Variants in FOXP1 observed in about 807,000 individuals in gnomAD.
The protein encoded by FOXP1 is forkhead box P1, also known as forkhead box protein P1.
A neutral mutation model predicts 98.2 loss-of-function variants in FOXP1; 15 were observed. That is an observed-to-expected ratio of 0.15 (90% CI 0.10 to 0.24). The LOEUF (loss-of-function observed/expected upper bound fraction) is 0.24. Ranked by LOEUF, FOXP1 falls within the 10% of genes least tolerant of loss-of-function variation. FOXP1 has a pLI of 1.00. For synonymous variants in FOXP1, 371 were observed against 314.5 expected, an observed-to-expected ratio of 1.18 and a Z score of -1.90; for missense variants, 633 against 848.5, an observed-to-expected ratio of 0.75 and a Z score of 3.15.
intron 2 of FOXP1, among the ~76,000 whole-genome samples, chr3:71,523,775 A>G (rs1042012677): frequency 3.9e-5 from 6 of 152,142 alleles, no homozygotes; most frequent in African/African-American, 1.2e-4. Context: ...AACATGACTC[A>G]CAGGGCCCTA....
At chr3:71,508,546 G>C (rs1399377561) in intron 2 of FOXP1, among the ~76,000 whole-genome samples, 1 of 152,188 alleles carries the variant, frequency 6.6e-6, no homozygotes, top group Non-Finnish European at 1.5e-5. Flanking sequence ...GGTATGTACA[G>C]GGCTTGGATC....
intron 13 of FOXP1, among the ~76,000 whole-genome samples, chr3:70,991,052 A>ATT (rs11373167): frequency 3.6e-3 from 521 of 144,788 alleles, no homozygotes; most frequent in East Asian, 0.013. Context: ...CAACTTTCTA[A>ATT]TTTTTTTTTT....
chr3:71,183,346 AC>A (rs1185546280), intron 6 of FOXP1, among the ~76,000 whole-genome samples: 3 of 152,012 alleles, frequency 2.0e-5, no homozygotes, highest in Non-Finnish European at 2.9e-5. Flanking sequence ...ATACAAAAAA[AC>A]ATTAGCTGGG....
intron 12 of FOXP1, among the ~76,000 whole-genome samples, chr3:71,003,872 A>G (rs552472352): frequency 1.4e-4 from 22 of 152,192 alleles, no homozygotes; most frequent in African/African-American, 5.3e-4. Flanking sequence ...CCAATATATT[A>G]TATATATCAT....
At chr3:71,550,173 G>A (rs994411924) in intron 2 of FOXP1, among the ~76,000 whole-genome samples, 8 of 152,102 alleles carry the variant, frequency 5.3e-5, no homozygotes, top group African/African-American at 1.7e-4. Flanking sequence ...GGTACAAAGC[G>A]GGGAGAGGAG....
intron 1 of FOXP1, 118 bp downstream of exon 1, chr3:71,583,453 T>C (rs1383728882): frequency 2.0e-6 from 2 of 980,088 alleles, no homozygotes; most frequent in East Asian, 2.3e-4. Context: ...TTTTTTCTCT[T>C]TTTCTTTCTT....
intron 6 of FOXP1, among the ~76,000 whole-genome samples, chr3:71,143,594 T>C (rs2060169879): frequency 6.6e-6 from 1 of 152,162 alleles, no homozygotes; most frequent in Non-Finnish European, 1.5e-5. Context: ...GAGTAAGTCA[T>C]TTAAAATACA....
chr3:71,501,003 C>T (rs2041297320), intron 2 of FOXP1, among the ~76,000 whole-genome samples: 1 of 152,068 alleles, frequency 6.6e-6, no homozygotes, highest in Admixed American at 6.5e-5. Context: ...ACCAGCCTGG[C>T]CAACATGGTG....
At chr3:71,309,050 G>A (rs564718259) in intron 4 of FOXP1, among the ~76,000 whole-genome samples, 2 of 152,058 alleles carry the variant, frequency 1.3e-5, no homozygotes, top group African/African-American at 4.8e-5. Context: ...ACCAAGTTAC[G>A]CTTGCTGATA....
At chr3:71,094,884 A>G (rs2056305479) in intron 7 of FOXP1, among the ~76,000 whole-genome samples, 1 of 152,228 alleles carries the variant, frequency 6.6e-6, no homozygotes, top group Non-Finnish European at 1.5e-5. Context: ...AGCTGGTCTC[A>G]AGATCCTTTT....
intron 6 of FOXP1, among the ~76,000 whole-genome samples, chr3:71,128,982 C>T (rs187209646): frequency 2.0e-5 from 3 of 152,030 alleles, no homozygotes; most frequent in South Asian, 2.1e-4. Context: ...GCATGGCTTT[C>T]GGAGTGGAAA....
At chr3:71,289,290 T>C (rs1306522573) in intron 5 of FOXP1, among the ~76,000 whole-genome samples, 1 of 152,042 alleles carries the variant, frequency 6.6e-6, no homozygotes, top group Admixed American at 6.6e-5. Flanking sequence ...CCGCCTGCCT[T>C]GGCCTCCCAA....
chr3:71,077,458 C>A (rs1260413002), intron 7 of FOXP1, among the ~76,000 whole-genome samples: 1 of 152,136 alleles, frequency 6.6e-6, no homozygotes, highest in Non-Finnish European at 1.5e-5. Context: ...TGAAAAGGAG[C>A]CAAGTCTAAA....
At chr3:71,214,883 T>C (rs1363463042) in intron 5 of FOXP1, among the ~76,000 whole-genome samples, 2 of 152,084 alleles carry the variant, frequency 1.3e-5, no homozygotes. Flanking sequence ...ATGACAAGGG[T>C]TTCCAATAGA....
intron 13 of FOXP1, among the ~76,000 whole-genome samples, chr3:70,994,429 T>C (rs1362922499): frequency 6.6e-6 from 1 of 152,170 alleles, no homozygotes; most frequent in Non-Finnish European, 1.5e-5. Context: ...TCCACTATCC[T>C]TTCTTCCTTA....
intron 5 of FOXP1, among the ~76,000 whole-genome samples, chr3:71,241,269 A>T (rs377200675): frequency 6.6e-6 from 1 of 152,150 alleles, no homozygotes; most frequent in East Asian, 1.9e-4. Flanking sequence ...TCCAATTACC[A>T]TAAGGGAGCA....
intron 5 of FOXP1, among the ~76,000 whole-genome samples, chr3:71,251,826 A>T (rs2068212848): frequency 6.6e-6 from 1 of 152,234 alleles, no homozygotes; most frequent in African/African-American, 2.4e-5. Context: ...TTGTAGGCTC[A>T]ACGTAGACTT....
At chr3:71,440,842 G>A (rs538139055) in intron 3 of FOXP1, among the ~76,000 whole-genome samples, 11 of 152,288 alleles carry the variant, frequency 7.2e-5, no homozygotes, top group African/African-American at 2.6e-4. Context: ...TTCAGCCTGG[G>A]TGACACAGTG....
chr3:71,513,752 G>T (rs530347215), intron 2 of FOXP1, among the ~76,000 whole-genome samples: 27 of 152,222 alleles, frequency 1.8e-4, no homozygotes, highest in Admixed American at 2.0e-4. Flanking sequence ...CACATAGCAT[G>T]GCTCCAAGAA....
Sources: allele counts gnomAD v4.1 joint callset (sites outside exome capture counted in the v4.1 genomes callset), GRCh38; gene constraint gnomAD v4.1.1; transcripts MANE v1.5; gene names NCBI Gene and HGNC (gene_info 2026-07-23, HGNC 2026-07-21).